CTBP1: variants seen among roughly 807,000 people sequenced by gnomAD.
CTBP1 encodes C-terminal binding protein 1, also known as C-terminal-binding protein 1.
Under a neutral mutation model 42.1 loss-of-function variants are expected in CTBP1, and 11 were observed. The ratio of observed to expected loss-of-function variants is 0.26; its 90% CI spans 0.16 to 0.43. CTBP1 has a LOEUF of 0.43. Ranked by LOEUF, CTBP1 falls within the 20% of genes least tolerant of loss-of-function variation. The pLI, the probability that CTBP1 is intolerant of heterozygous loss-of-function variation, is 1.00. For missense variants in CTBP1, 399 were observed against 624.3 expected (o/e 0.64, Z 3.85); for synonymous variants, 324 against 277.1 (o/e 1.17, Z -1.68).
rs781704682 is a variant in CTBP1 at position 1,215,951 on chromosome 4, C to A, written c.729+40G>T. On this transcript the variant is annotated intron_variant, in intron 6 of 9. Transcript: ENST00000382952. Reference sequence around the variant, plus strand: ...TGCCTGACACCCCCACCTGTACCTGCCCCGCAGAAGTAGAGTCCTGTGTCC... The same window carrying A: ...TGCCTGACACCCCCACCTGTACCTGACCCGCAGAAGTAGAGTCCTGTGTCC... The A allele has an allele frequency of 1.0e-5, 16 of 1,564,440 alleles. No homozygotes were observed. In the South Asian group the frequency reaches 1.7e-4, roughly 17 times the overall value.
At chr4:1,244,341 G>C in intron 1 of CTBP1, 6 of 959,310 alleles carry the variant, frequency 6.3e-6, no homozygotes, top group Non-Finnish European at 7.3e-6. Flanking sequence ...AGCCACAGTG[G>C]GTCTCTGGGC....
chr4:1,242,714 C>G (rs73069940), intron 1 of CTBP1: 54,989 of 985,150 alleles, frequency 0.056, 2,991 homozygotes, highest in East Asian at 0.33. Flanking sequence ...GGATCCCCAT[C>G]ACCTGCGCCT....
chr4:1,215,969 C>G (rs1314361007), intron 6 of CTBP1, 22 bp downstream of exon 6: 5 of 1,591,858 alleles, frequency 3.1e-6, no homozygotes, highest in African/African-American at 2.7e-5. Context: ...AAGTAGAGTC[C>G]TGTGTCCCCG....
intron 1 of CTBP1, among the ~76,000 whole-genome samples, chr4:1,247,771 G>GGA (rs1732881015): frequency 2.7e-5 from 4 of 146,648 alleles, no homozygotes; most frequent in East Asian, 2.1e-4. Flanking sequence ...CCGGGGAGGG[G>GGA]GGGGGGGCTC....
intron 1 of CTBP1, chr4:1,245,594 G>A (rs1203066654): frequency 1.0e-6 from 1 of 982,116 alleles, no homozygotes; most frequent in Non-Finnish European, 1.2e-6. Flanking sequence ...GCAGGGAAGA[G>A]TGGCACGGGA....
rs550576414 is a variant in CTBP1, at chr4:1,244,994, C to G, written c.-188-3475G>C. ...TGCAATGGCAGAGAAGGCAGGCCCCCAAGAGGGAGCCGCACAGCAGCATGG... is the reference window on the plus strand; with the variant it reads ...TGCAATGGCAGAGAAGGCAGGCCCCGAAGAGGGAGCCGCACAGCAGCATGG... On this transcript the variant is annotated intron_variant, in intron 1 of 9. Coordinates refer to ENST00000382952, the MANE Select transcript of CTBP1 (RefSeq NM_001012614.2). The G allele has an allele frequency of 5.1e-6, 5 of 985,458 alleles. No individual in the cohort carries two copies. In the South Asian group the frequency reaches 2.3e-4, roughly 46 times the overall value. 61.0% of individuals were successfully genotyped at this position (985,458 alleles called of 1,614,324 possible). A position where few individuals can be genotyped will look rare whatever the true frequency, so the allele number is the denominator to read the frequency against.
intron 3 of CTBP1, among the ~76,000 whole-genome samples, chr4:1,229,079 C>T (rs568094711): frequency 1.3e-5 from 2 of 152,328 alleles, no homozygotes; most frequent in East Asian, 1.9e-4. Context: ...CAGCCCAACC[C>T]TGGCGCCTCC....
chr4:1,215,739 T>C (rs1729035186), intron 6 of CTBP1: 1 of 544,316 alleles, frequency 1.8e-6, no homozygotes, highest in African/African-American at 1.9e-5. Context: ...TTCAGGGGAA[T>C]TTGGTGTTCA....
upstream of CTBP1, chr4:1,249,355 C>A (rs1733114250): frequency 6.6e-6 from 1 of 150,826 alleles, no homozygotes; most frequent in African/African-American, 2.4e-5. Flanking sequence ...CCGAGGAAGT[C>A]GGGCAGGGTC....
At chr4:1,214,112 A>C in intron 7 of CTBP1, 1 of 546,488 alleles carries the variant, frequency 1.8e-6, no homozygotes, top group Admixed American at 4.1e-5. Context: ...AGCCCTGCCC[A>C]AAGAAGGGCT....
intron 1 of CTBP1, chr4:1,242,359 C>T: frequency 8.1e-6 from 8 of 985,358 alleles, no homozygotes; most frequent in Non-Finnish European, 9.6e-6. Context: ...ATCAGGCTGA[C>T]CAGGACAGGA....
At chr4:1,244,210 C>T (rs1007029097) in intron 1 of CTBP1, 19 of 985,148 alleles carry the variant, frequency 1.9e-5, no homozygotes, top group Non-Finnish European at 2.2e-5. Context: ...TTGGCCACGC[C>T]TGCCCACTCC....
chr4:1,242,757 C>T, intron 1 of CTBP1: 1 of 985,392 alleles, frequency 1.0e-6, no homozygotes, highest in Non-Finnish European at 1.2e-6. Context: ...AGCCTCCTGC[C>T]CTGAATGCCA....
Position 1,225,492 on chromosome 4 carries a change from G to C in CTBP1, c.382C>G (p.Leu128Val). 1 of 1,546,228 alleles carries C rather than the reference G, an allele frequency of 6.5e-7. No homozygotes were observed. ...ADSTLCHILN[L>V]YRRATWLHQA... The stretch of plus-strand genomic sequence containing the variant: ...TGCAGCCAGGTGGCCCGCCGGTACA[G>C]GTTCAGGATGTGGCACAGCGTCGAG... Residue 128 changes from leucine (L) to valine (V), a missense_variant, in exon 5 of 10, where the codon CTG (leucine) becomes GTG (valine). Leu to Val is a conservative substitution (Grantham distance 32, BLOSUM62 1). Coordinates refer to ENST00000382952, the MANE Select transcript of CTBP1 (RefSeq NM_001012614.2).
Position 1,238,951 on chromosome 4 carries a change from C to T in CTBP1, c.8-614G>A, listed in dbSNP as rs188495625. Among the ~76,000 whole-genome samples the T allele has an allele frequency of 5.1e-3, 783 of 152,294 alleles. 23 individuals are homozygous for T. Among genetic ancestry groups the T allele is most frequent in the Admixed American group, 0.045 (692 of 15,306 alleles). On this transcript the variant is annotated intron_variant, in intron 2 of 9. Transcript: ENST00000382952. This position sits in a 1 kb window ranked among gnomAD's most constrained non-coding sequence, Gnocchi z 5.9. The stretch of plus-strand genomic sequence containing the variant: ...TGTCCCTTTCCTGCCTGGGCTACCG[C>T]GTGGCTGCCCGGAATCCCTGATGGG...
chr4:1,242,257 G>C (rs1435322385), intron 1 of CTBP1: 1 of 985,298 alleles, frequency 1.0e-6, no homozygotes, highest in African/African-American at 1.7e-5. Context: ...CGATCGCCCA[G>C]CCCTCGGGAG....
chr4:1,222,514 A>G (rs1176483186), intron 5 of CTBP1, among the ~76,000 whole-genome samples: 2 of 152,114 alleles, frequency 1.3e-5, no homozygotes, highest in East Asian at 1.9e-4. Context: ...CAGAACGCCC[A>G]TGGTAAACCC....
chr4:1,237,236 A>T (rs1319640072), intron 3 of CTBP1: 1 of 662,794 alleles, frequency 1.5e-6, no homozygotes, highest in Non-Finnish European at 2.7e-6. Flanking sequence ...CCACCTCCTG[A>T]TGGGGCTCAG....
intron 5 of CTBP1, among the ~76,000 whole-genome samples, chr4:1,220,395 C>T (rs1482445718): frequency 1.3e-5 from 2 of 151,888 alleles, no homozygotes; most frequent in South Asian, 2.1e-4. Context: ...CTACTGATAA[C>T]GACGAAACAC....
Sources: allele counts gnomAD v4.1 joint callset (sites outside exome capture counted in the v4.1 genomes callset), GRCh38; gene constraint gnomAD v4.1.1; non-coding constraint Gnocchi (gnomAD v3.1); transcripts MANE v1.5; gene names NCBI Gene and HGNC (gene_info 2026-07-23, HGNC 2026-07-21).